The following FAS variants were observed in gnomAD, a reference collection of about 807,000 sequenced individuals.
FAS encodes tumor necrosis factor receptor superfamily member 6.
In FAS, 5 loss-of-function variants were observed where a neutral mutation model predicts 33.2. The observed-to-expected ratio is 0.15, with a 90% confidence interval of 0.08 to 0.32. The LOEUF is 0.32. Among genes scored for constraint, FAS ranks in the 10% least tolerant of loss-of-function variants. The probability of loss-of-function intolerance (pLI) is 1.00; values close to 1 mark genes in which losing one functional copy is unlikely to be tolerated. For missense variants in FAS, 339 were observed against 386.0 expected, an observed-to-expected ratio of 0.88 and a Z score of 1.02; for synonymous variants, 131 against 130.7, an observed-to-expected ratio of 1.00 and a Z score of -0.01.
At chr10:88,981,196 C>T (rs4934433) in intron 2 of FAS, among the ~76,000 whole-genome samples, 8 of 152,140 alleles carry the variant, frequency 5.3e-5, no homozygotes, top group African/African-American at 1.9e-4. Context: ...GCCACATACT[C>T]GCTGTGTGCA....
At chr10:88,965,119 T>G (rs1439555813) in intron 1 of FAS, among the ~76,000 whole-genome samples, 2 of 152,068 alleles carry the variant, frequency 1.3e-5, no homozygotes, top group Non-Finnish European at 2.9e-5. Flanking sequence ...CTTAGATGCA[T>G]TTTTTCTACA....
At chr10:88,989,248 G>T (rs1847023504), upstream of FAS, among the ~76,000 whole-genome samples, 1 of 152,084 alleles carries the variant, frequency 6.6e-6, no homozygotes, top group African/African-American at 2.4e-5. Flanking sequence ...TTTGTCAATT[G>T]TCCTTTCCCC....
At chr10:89,001,243 C>A (rs1488291780) in intron 1 of FAS, among the ~76,000 whole-genome samples, 2 of 147,634 alleles carry the variant, frequency 1.4e-5, no homozygotes, top group Non-Finnish European at 3.0e-5. Flanking sequence ...TGAGGGCTGT[C>A]ATTTCTCACC....
At chr10:89,006,457 G>A (rs973567195) in intron 2 of FAS, among the ~76,000 whole-genome samples, 7 of 152,140 alleles carry the variant, frequency 4.6e-5, no homozygotes, top group Non-Finnish European at 2.9e-5. Context: ...AGGAATTCAT[G>A]TTCCTAGGAA....
intron 4 of FAS, among the ~76,000 whole-genome samples, chr10:89,009,526 T>G (rs1459986184): frequency 6.6e-6 from 1 of 151,774 alleles, no homozygotes; most frequent in Middle Eastern, 3.2e-3. Context: ...CTGGCTGGAG[T>G]GTAGGAAAGA....
intron 6 of FAS, among the ~76,000 whole-genome samples, chr10:89,011,668 C>G (rs2133536297): frequency 6.6e-6 from 1 of 152,282 alleles, no homozygotes; most frequent in East Asian, 1.9e-4. Context: ...CTTGCTTGTC[C>G]TACGGCTTCT....
At chr10:88,979,197 G>A (rs1846647869) in intron 2 of FAS, among the ~76,000 whole-genome samples, 1 of 151,954 alleles carries the variant, frequency 6.6e-6, no homozygotes, top group Non-Finnish European at 1.5e-5. Flanking sequence ...ATGATGTTGT[G>A]TATGAGCGTA....
intron 1 of FAS, among the ~76,000 whole-genome samples, chr10:88,998,586 G>A (rs1402124687): frequency 6.6e-6 from 1 of 152,032 alleles, no homozygotes; most frequent in African/African-American, 2.4e-5. Flanking sequence ...AGGAAGTTAG[G>A]GTATCAGTAT....
At chr10:88,973,273 T>G (rs1203968559) in exon 2 of FAS, 4 of 1,612,348 alleles carry the variant, frequency 2.5e-6, no homozygotes, top group African/African-American at 2.7e-5. Context: ...TTCCCACTCT[T>G]GGGGATCTCT....
intron 4 of FAS, among the ~76,000 whole-genome samples, chr10:89,009,804 C>G (rs1288486547): frequency 6.6e-6 from 1 of 152,194 alleles, no homozygotes; most frequent in Non-Finnish European, 1.5e-5. Context: ...GGGGAAGCAG[C>G]TGACTTAGTA....
At chr10:89,011,461 G>GA (rs1166518251) in intron 6 of FAS, among the ~76,000 whole-genome samples, 1 of 152,222 alleles carries the variant, frequency 6.6e-6, no homozygotes, top group Non-Finnish European at 1.5e-5. Flanking sequence ...TTCAGTTGAA[G>GA]AAGAAAGTTT....
chr10:89,014,092 AT>A, intron 8 of FAS, 26 bp from the exon 9 acceptor site: 1 of 1,609,028 alleles, frequency 6.2e-7, no homozygotes, highest in Non-Finnish European at 8.5e-7. Flanking sequence ...AGAAAAACAA[AT>A]TTTCAGACTA....
Position 88,990,966 on chromosome 10 carries a change from G to A in FAS, c.30+60G>A. The A allele has an allele frequency of 1.2e-6, 2 of 1,612,046 alleles. No homozygotes were observed. The highest frequency in any genetic ancestry group is 3.3e-5 in the Admixed American group (2 of 59,994). Reference sequence around the variant, plus strand: ...CGTCTTAGTCCCGGGGATAGGCAAAGTGGGGCGGGCGCGGGACGCGTGCGG... The same window carrying A: ...CGTCTTAGTCCCGGGGATAGGCAAAATGGGGCGGGCGCGGGACGCGTGCGG... On this transcript the variant is annotated intron_variant, in intron 1 of 8. Coordinates refer to ENST00000652046, the MANE Select transcript of FAS (RefSeq NM_000043.6). This position sits in a 1 kb window ranked among gnomAD's most constrained non-coding sequence, Gnocchi z 4.9.
intron 1 of FAS, among the ~76,000 whole-genome samples, chr10:88,999,045 C>T (rs186205233): frequency 0.014 from 2,157 of 151,816 alleles, 21 homozygotes; most frequent in Non-Finnish European, 0.023. Context: ...CCCAGCTACT[C>T]GGGAAGCTGA....
At chr10:89,001,597 A>T (rs1847936069) in intron 1 of FAS, among the ~76,000 whole-genome samples, 1 of 151,606 alleles carries the variant, frequency 6.6e-6, no homozygotes, top group African/African-American at 2.4e-5. Flanking sequence ...GCTAGGGCAG[A>T]GTTTCAGTCA....
chr10:89,014,530 C>T lies in FAS; in HGVS notation c.*80C>T. 1 of 1,368,628 alleles carries T rather than the reference C, an allele frequency of 7.3e-7. No individual in the cohort carries two copies. Among genetic ancestry groups the T allele is most frequent in the Non-Finnish European group, 1.0e-6 (1 of 985,798 alleles). 84.8% of individuals were successfully genotyped at this position (1,368,628 alleles called of 1,614,324 possible). On this transcript the variant is annotated 3_prime_UTR_variant, in exon 9 of 9. Coordinates refer to ENST00000652046, the MANE Select transcript of FAS (RefSeq NM_000043.6). ...TCTTAATAGCTGGCTGTAAATACTG[C>T]TTGGTTTTTTACTGGGTACATTTTA...
chr10:89,013,407 T>G (rs1848628969), intron 8 of FAS, 40 bp downstream of exon 8: 2 of 1,587,658 alleles, frequency 1.3e-6, no homozygotes, highest in Admixed American at 3.3e-5. Flanking sequence ...GATGGCATCC[T>G]TTAGAGTAAT....
intron 1 of FAS, among the ~76,000 whole-genome samples, chr10:88,968,328 A>T (rs1846358338): frequency 6.6e-6 from 1 of 152,192 alleles, no homozygotes; most frequent in African/African-American, 2.4e-5. Flanking sequence ...AATACAGGTG[A>T]TTCCTTTCAG....
In FAS at chr10:89,008,984, G is replaced by T. The variant is rs753670814; in HGVS notation, c.430G>T (p.Asp144Tyr). Reference protein sequence around the residue: ...FCNSTVCEHCDPCTKCEHGII... With the variant: ...FCNSTVCEHCYPCTKCEHGII... ...TAACTCTACTGTATGTGAACACTGT[G>T]ACCCTTGCACCAAGTAAGTTTTAGT... The change falls in exon 4 of 9, where the codon GAC (aspartate) becomes TAC (tyrosine). Residue 144 changes from aspartate (D) to tyrosine (Y), a missense_variant. Around this residue, in one of 3 missense-constraint regions of FAS, gnomAD observed 276 missense variants for 300.1 expected, o/e 0.92. Transcript: ENST00000652046. 3.7e-6 allele frequency: 6 copies of T among 1,613,234 alleles called. No individual in the cohort carries two copies. The highest frequency in any genetic ancestry group is 4.2e-6 in the Non-Finnish European group (5 of 1,179,332).
Sources: allele counts gnomAD v4.1 joint callset (sites outside exome capture counted in the v4.1 genomes callset), GRCh38; gene constraint gnomAD v4.1.1; regional missense constraint gnomAD v4.1.1; non-coding constraint Gnocchi (gnomAD v3.1); transcripts MANE v1.5; gene names NCBI Gene and HGNC (gene_info 2026-07-23, HGNC 2026-07-21).